Variants in CD164 observed in about 807,000 individuals in gnomAD.
CD164 encodes sialomucin core protein 24.
Under a neutral mutation model 24.6 loss-of-function variants are expected in CD164, and 11 were observed. The observed-to-expected ratio is 0.45, with a 90% confidence interval of 0.28 to 0.74. The LOEUF (loss-of-function observed/expected upper bound fraction) is 0.74, where lower values mean the gene tolerates loss of function less well. Among genes scored for constraint, CD164 ranks in the 30% least tolerant of loss-of-function variants. The pLI, the probability that CD164 is intolerant of heterozygous loss-of-function variation, is 0.13. For synonymous variants in CD164, 126 were observed against 100.3 expected (o/e 1.26, Z -1.53); for missense variants, 295 against 243.7 (o/e 1.21, Z -1.40).
chr6:109,368,817 G>GA lies in CD164; in HGVS notation c.*33dup. The GA allele has an allele frequency of 3.8e-6, 6 of 1,577,670 alleles. No homozygotes were observed. Among genetic ancestry groups the GA allele is most frequent in the Non-Finnish European group, 5.1e-6 (6 of 1,166,586 alleles). ...TTTGGCTTCAGTGAGTTACACAAATGAATCACCAGTCCTTATTAATTCAAT... is the reference window on the plus strand; with the variant it reads ...TTTGGCTTCAGTGAGTTACACAAATGAAATCACCAGTCCTTATTAATTCAAT... On this transcript the variant is annotated 3_prime_UTR_variant, in exon 6 of 6. Transcript: ENST00000310786.
chr6:109,381,690 G>GA, intron 1 of CD164: 1 of 664,632 alleles, frequency 1.5e-6, no homozygotes, highest in Admixed American at 2.2e-5. Context: ...ACTCAAGTCT[G>GA]AGACACGAAC....
chr6:109,371,630 AAT>A (rs1250591118), intron 4 of CD164: 1 of 153,804 alleles, frequency 6.5e-6, no homozygotes, highest in Non-Finnish European at 1.5e-5. Context: ...GAAGGATGTG[AAT>A]ATAGTTTCTA....
At chr6:109,375,073 T>A (rs1265375128) in intron 4 of CD164, among the ~76,000 whole-genome samples, 1 of 152,236 alleles carries the variant, frequency 6.6e-6, no homozygotes, top group Non-Finnish European at 1.5e-5. Flanking sequence ...TTTAAGGAGT[T>A]CTTATCCATG....
chr6:109,375,443 C>T (rs950638695), intron 4 of CD164, among the ~76,000 whole-genome samples: 1 of 151,476 alleles, frequency 6.6e-6, no homozygotes, highest in Non-Finnish European at 1.5e-5. Flanking sequence ...GTGGTGAAAC[C>T]GTGACTCTAC....
chr6:109,382,092 G>GCGGC, intron 1 of CD164, 112 bp downstream of exon 1: 2 of 958,962 alleles, frequency 2.1e-6, no homozygotes. Context: ...CACCCCGAGC[G>GCGGC]CGGCCCGCCC....
chr6:109,374,215 C>T (rs1771270169), intron 4 of CD164, among the ~76,000 whole-genome samples: 1 of 152,152 alleles, frequency 6.6e-6, no homozygotes, highest in Admixed American at 6.5e-5. Context: ...CTGCCTATGC[C>T]TATTTATATT....
rs1266620388 is a variant in CD164, at chr6:109,373,277, CTATTA to C, written c.370+2792_370+2796del. On this transcript the variant is annotated intron_variant, in intron 4 of 5. Coordinates refer to ENST00000310786, the MANE Select transcript of CD164 (RefSeq NM_006016.6). ...CTGTATCTGACATATTTTGGCTATT[CTATTA>C]TTTGTACTGAAGGAGGGCCATTATA... 4.6e-5 allele frequency among the ~76,000 whole-genome samples: 7 copies of C among 152,262 alleles called. No individual in the cohort carries two copies. In the East Asian group the frequency reaches 5.8e-4, roughly 13 times the overall value.
chr6:109,376,116 T>C lies in CD164; in HGVS notation c.332-4A>G, dbSNP rs1265838441. ...GGCACTGGAGTGGCCGTGGAAACTATTAAAAAAAGAAAAAAGAAAAACCAT... is the reference window on the plus strand; with the variant it reads ...GGCACTGGAGTGGCCGTGGAAACTACTAAAAAAAGAAAAAAGAAAAACCAT... On this transcript the variant is annotated splice_region_variant and splice_polypyrimidine_tract_variant and intron_variant, in intron 3 of 5. Coordinates refer to ENST00000310786, the MANE Select transcript of CD164 (RefSeq NM_006016.6). 4 of 1,561,848 alleles carry C rather than the reference T, an allele frequency of 2.6e-6. No individual in the cohort carries two copies. The highest frequency in any genetic ancestry group is 3.4e-6 in the Non-Finnish European group (4 of 1,165,422).
chr6:109,370,904 CTT>C (rs1771041045), intron 4 of CD164: 1 of 162,044 alleles, frequency 6.2e-6, no homozygotes. Flanking sequence ...AGTTGGCAAA[CTT>C]TTCTTAAATG....
In CD164 at chr6:109,373,006, GT is replaced by G. The variant is rs1771171615; in HGVS notation, c.371-2540del. 4 of 147,756 alleles carry G rather than the reference GT, an allele frequency of 2.7e-5. No individual in the cohort carries two copies. In the South Asian group the frequency reaches 8.7e-4, roughly 32 times the overall value. 9.2% of individuals were successfully genotyped at this position (147,756 alleles called of 1,614,324 possible). On this transcript the variant is annotated intron_variant, in intron 4 of 5. Coordinates refer to ENST00000310786, the MANE Select transcript of CD164 (RefSeq NM_006016.6). ...GGGAATATACCTCTGTTGACCTACT[GT>G]TTCTTTTACTGAAAAAAAAAGATTC...
rs1770928597 is a variant in CD164 at position 109,368,992 on chromosome 6, T to C, written c.453A>G (p.Pro151=). 2 of 1,613,150 alleles carry C rather than the reference T, an allele frequency of 1.2e-6. No homozygotes were observed. Among genetic ancestry groups the C allele is most frequent in the Non-Finnish European group, 1.7e-6 (2 of 1,179,662 alleles). ...TSGTTNNTVT[P]TSQPVRKSTF... is the part of the protein sequence containing the mutation. ...TAGACTTTCGCACAGGTTGTGAGGT[T>C]GGAGTCACAGTGTTATTTGTTGTAC... The change falls in exon 6 of 6, where the codon CCA becomes CCG. Residue 151 remains proline (P), a synonymous_variant. Transcript: ENST00000310786.
chr6:109,376,242 C>A, intron 3 of CD164, 130 bp from the exon 4 acceptor site: 1 of 569,790 alleles, frequency 1.8e-6, no homozygotes, highest in Non-Finnish European at 2.9e-6. Context: ...TAAATACTAC[C>A]TGTGGAAGAG....
At chr6:109,378,288 G>C (rs1771533233) in intron 2 of CD164, among the ~76,000 whole-genome samples, 1 of 152,124 alleles carries the variant, frequency 6.6e-6, no homozygotes, top group Admixed American at 6.5e-5. Context: ...AAGAAAGGCA[G>C]CCATCATCTA....
At chr6:109,377,076 G>A (rs1771449588) in intron 3 of CD164, among the ~76,000 whole-genome samples, 1 of 152,188 alleles carries the variant, frequency 6.6e-6, no homozygotes, top group African/African-American at 2.4e-5. Flanking sequence ...ATATGAGGTG[G>A]CAATGAGTTA....
chr6:109,372,077 C>A (rs564991704), intron 4 of CD164: 11 of 152,040 alleles, frequency 7.2e-5, no homozygotes, highest in Non-Finnish European at 1.6e-4. Context: ...ATATGCTTAA[C>A]CCACGAAAGA....
intron 2 of CD164, among the ~76,000 whole-genome samples, chr6:109,378,532 T>C (rs1284136472): frequency 6.6e-6 from 1 of 152,176 alleles, no homozygotes; most frequent in Non-Finnish European, 1.5e-5. Flanking sequence ...CATAACACTG[T>C]AGAAACTCTA....
chr6:109,380,270 T>C (rs1047239607), intron 1 of CD164: 10 of 152,258 alleles, frequency 6.6e-5, no homozygotes, highest in African/African-American at 2.2e-4. Context: ...ACAAGGTATT[T>C]GTCAATAGTT....
At chr6:109,369,096 TATTTTGCCATGTG>T in intron 5 of CD164, 79 bp from the exon 6 acceptor site, 1 of 1,241,424 alleles carries the variant, frequency 8.1e-7, no homozygotes, top group Non-Finnish European at 1.1e-6. Flanking sequence ...CCTGAGCCTC[TATTTTGCCATGTG>T]TTAAATTCTA....
chr6:109,370,547 C>G, intron 4 of CD164, 80 bp from the exon 5 acceptor site: 2 of 1,254,194 alleles, frequency 1.6e-6, no homozygotes. Context: ...AAAAAATAAT[C>G]CTGCCAACTT....
Sources: allele counts gnomAD v4.1 joint callset (sites outside exome capture counted in the v4.1 genomes callset), GRCh38; gene constraint gnomAD v4.1.1; transcripts MANE v1.5; gene names NCBI Gene and HGNC (gene_info 2026-07-23, HGNC 2026-07-21).